The following TET3 variants were observed in gnomAD, a reference collection of about 807,000 sequenced individuals.
TET3 encodes tet methylcytosine dioxygenase 3, also known as methylcytosine dioxygenase TET3.
Under a neutral mutation model 141.4 loss-of-function variants are expected in TET3, and 19 were observed. The observed-to-expected ratio is 0.13, with a 90% CI of 0.09 to 0.20. TET3 has a LOEUF of 0.20. Ranked by LOEUF, TET3 falls within the 10% of genes least tolerant of loss-of-function variation. TET3 has a pLI of 1.00. For missense variants in TET3, 1,874 were observed against 2,356.9 expected, an observed-to-expected ratio of 0.80 and a Z score of 4.24; for synonymous variants, 1,043 against 980.9, an observed-to-expected ratio of 1.06 and a Z score of -1.18.
the TET3 span, among the ~76,000 whole-genome samples, chr2:74,123,794 C>T: frequency 2.0e-5 from 3 of 151,982 alleles, no homozygotes; most frequent in South Asian, 2.1e-4. Context: ...TCCCGGCCGC[C>T]ATCCCGTCTA....
At chr2:74,036,617 T>C (rs2105317237) in intron 3 of TET3, among the ~76,000 whole-genome samples, 1 of 152,342 alleles carries the variant, frequency 6.6e-6, no homozygotes, top group South Asian at 2.1e-4. Flanking sequence ...TTACTTGCCC[T>C]CTCTGTGTTT....
chr2:74,014,365 G>A (rs990835124), intron 3 of TET3, among the ~76,000 whole-genome samples: 23 of 152,068 alleles, frequency 1.5e-4, no homozygotes, highest in African/African-American at 5.6e-4. Flanking sequence ...CCCAGCATGA[G>A]AATTCCGAGC....
chr2:74,067,685 C>T (rs1688984958), intron 4 of TET3, among the ~76,000 whole-genome samples: 1 of 152,166 alleles, frequency 6.6e-6, no homozygotes, highest in Non-Finnish European at 1.5e-5. Flanking sequence ...TTAAACTAGG[C>T]CCTTTCTTGG....
intron 3 of TET3, among the ~76,000 whole-genome samples, chr2:74,022,413 T>G (rs1266113108): frequency 1.3e-5 from 2 of 151,496 alleles, no homozygotes; most frequent in African/African-American, 2.4e-5. Flanking sequence ...GTTTGGGGGG[T>G]TTTTTGTTTG....
chr2:74,005,584 C>T (rs1447012189), intron 3 of TET3, among the ~76,000 whole-genome samples: 1 of 152,144 alleles, frequency 6.6e-6, no homozygotes, highest in Non-Finnish European at 1.5e-5. Context: ...GTGAGCTCAT[C>T]TTGGTCTGGT....
At chr2:73,986,843 T>G in intron 2 of TET3, 137 bp downstream of exon 2, 1 of 815,470 alleles carries the variant, frequency 1.2e-6, no homozygotes, top group South Asian at 6.6e-5. Flanking sequence ...TAAGTAGGAG[T>G]GTAACTGACA....
Position 74,100,415 on chromosome 2 carries a change from G to A in TET3, c.3627G>A (p.Leu1209=). 1.8e-5 allele frequency: 28 copies of A among 1,566,676 alleles called. No homozygotes were observed. Among genetic ancestry groups the A allele is most frequent in the Non-Finnish European group, 2.4e-5 (28 of 1,155,818 alleles). ...CAGGCCTGTCTCTGAAGGGTGGATTGTCCCAGCAAGGCCTGAAGCCCTCCC... is the reference window on the plus strand; with the variant it reads ...CAGGCCTGTCTCTGAAGGGTGGATTATCCCAGCAAGGCCTGAAGCCCTCCC... The part of the protein sequence containing the change: ...SDPGLSLKGG[L]SQQGLKPSLK... The change falls in exon 12 of 12, where the codon TTG becomes TTA. Residue 1209 remains leucine (L), a synonymous_variant. Transcript: ENST00000409262.
In TET3 at chr2:74,102,967, A is replaced by G. The variant is rs1236658060; in HGVS notation, c.*791A>G. 3.3e-5 allele frequency: 5 copies of G among 152,174 alleles called. No homozygotes were observed. The highest frequency in any genetic ancestry group is 5.9e-5 in the Non-Finnish European group (4 of 68,050). The allele number at this position is 152,174 out of a possible 1,614,324, so 9.4% of individuals were successfully genotyped here. Reference sequence around the variant, plus strand: ...TCCCCAGAAACCAGGTTGGAAGTAGATGGCTTCAAGCTTGCTAGTCTCCAC... The same window carrying G: ...TCCCCAGAAACCAGGTTGGAAGTAGGTGGCTTCAAGCTTGCTAGTCTCCAC... On this transcript the variant is annotated 3_prime_UTR_variant, in exon 12 of 12. Coordinates refer to ENST00000409262, the MANE Select transcript of TET3 (RefSeq NM_001287491.2).
intron 2 of TET3, among the ~76,000 whole-genome samples, chr2:73,988,999 G>GTTTTTTTTTT (rs57748474): frequency 6.5e-5 from 7 of 107,780 alleles, no homozygotes; most frequent in Non-Finnish European, 1.1e-4. Context: ...AGTTTTTTTT[G>GTTTTTTTTTT]TTTTTTTTTT....
intron 4 of TET3, among the ~76,000 whole-genome samples, chr2:74,070,421 A>G (rs1270787942): frequency 2.0e-5 from 3 of 152,180 alleles, no homozygotes; most frequent in South Asian, 2.1e-4. Context: ...TCCATGATTC[A>G]GTTATCTCTC....
At chr2:74,054,413 C>T (rs567707556) in intron 4 of TET3, among the ~76,000 whole-genome samples, 10 of 152,230 alleles carry the variant, frequency 6.6e-5, no homozygotes, top group Admixed American at 1.3e-4. Flanking sequence ...TCAGGCTGGG[C>T]GACTGGGTTG....
At chr2:74,085,291 A>G (rs1181501904) in intron 6 of TET3, among the ~76,000 whole-genome samples, 1 of 152,178 alleles carries the variant, frequency 6.6e-6, no homozygotes, top group Non-Finnish European at 1.5e-5. Flanking sequence ...AGTTGATGGC[A>G]ATAAGGCCTG....
chr2:74,006,084 CAA>C (rs11318523), intron 3 of TET3, among the ~76,000 whole-genome samples: 2 of 149,664 alleles, frequency 1.3e-5, no homozygotes, highest in Admixed American at 6.6e-5. Context: ...TTGACCACTG[CAA>C]AAAAAAAATG....
rs1404356391 is a variant in TET3 at position 74,092,940 on chromosome 2, C to T, written c.3078C>T (p.Thr1026=). 59 of 1,589,814 alleles carry T rather than the reference C, an allele frequency of 3.7e-5. No homozygotes were observed. Among genetic ancestry groups the T allele is most frequent in the East Asian group, 4.6e-5 (2 of 43,562 alleles). The change falls in exon 9 of 12, where the codon ACC becomes ACT. Residue 1026 remains threonine (T), a synonymous_variant. Transcript: ENST00000409262. ...GGAAGAGTTTCCAGGACCTGGCCAC[C>T]GAAGTCGCTCCCCTGTACAAGCGAC... The part of the protein sequence containing the change: ...VLRKSFQDLA[T]EVAPLYKRLA...
Position 74,022,001 on chromosome 2 carries a change from A to G in TET3, c.360+18835A>G, listed in dbSNP as rs540795562. ...TAAAAATTCACTGTAGAAAAATCAG[A>G]AAGTTCAGATAAGCAGATAGAGAAA... On this transcript the variant is annotated intron_variant, in intron 3 of 11. Transcript: ENST00000409262. Among the ~76,000 whole-genome samples the G allele has an allele frequency of 6.6e-5, 10 of 152,026 alleles. 1 individual carries two copies. The East Asian group carries it at 1.7e-3, about 26-fold the overall frequency.
At position 74,087,602 on chromosome 2, in the gene TET3, C is replaced by G. The variant is rs563889510; in HGVS notation, c.2680-228C>G. Among the ~76,000 whole-genome samples, 10 of 152,094 alleles carry G rather than the reference C, an allele frequency of 6.6e-5. No individual in the cohort carries two copies. The highest frequency in any genetic ancestry group is 1.3e-4 in the Non-Finnish European group (9 of 68,004). ...ATTTTTTATTTCACTCTCAAAATAA[C>G]TTTTATGTTTTTGTTCCCTAACAAA... On this transcript the variant is annotated intron_variant, in intron 6 of 11. Transcript: ENST00000409262. This position sits in a 1 kb window ranked among gnomAD's most constrained non-coding sequence, Gnocchi z 4.3.
intron 3 of TET3, among the ~76,000 whole-genome samples, chr2:74,039,360 C>T (rs1239079553): frequency 2.6e-5 from 4 of 152,198 alleles, no homozygotes; most frequent in Non-Finnish European, 2.9e-5. Flanking sequence ...TGGACACCCA[C>T]CTGCCCACCT....
downstream of TET3, among the ~76,000 whole-genome samples, chr2:74,113,023 A>AAC (rs1691742086): frequency 2.0e-5 from 3 of 149,968 alleles, no homozygotes; most frequent in Middle Eastern, 3.4e-3. Context: ...AAAAAAAAAA[A>AAC]AAAAAAAAAA....
chr2:74,034,081 A>G (rs1379516634), intron 3 of TET3, among the ~76,000 whole-genome samples: 1 of 151,882 alleles, frequency 6.6e-6, no homozygotes, highest in Non-Finnish European at 1.5e-5. Flanking sequence ...GGGCAACAAG[A>G]GCAACACTCT....
Sources: gnomAD v4.1 joint callset for allele counts (sites outside exome capture counted in the v4.1 genomes callset) on GRCh38, gnomAD v4.1.1 for gene constraint, Gnocchi (gnomAD v3.1) non-coding constraint, MANE v1.5 for transcripts, NCBI Gene and HGNC (gene_info 2026-07-23, HGNC 2026-07-21) for gene names.